The following CYP4A22 variants were observed in gnomAD, a reference collection of about 807,000 sequenced individuals.
CYP4A22 encodes cytochrome P450 4A22.
CYP4A22 carries 46 observed loss-of-function variants against 56.2 expected under a neutral mutation model. The ratio of observed to expected loss-of-function variants is 0.82; its 90% CI spans 0.65 to 1.05. CYP4A22 has a LOEUF of 1.05. CYP4A22 is among the 50% of genes least tolerant of loss of function. The pLI is 0.00. For synonymous variants in CYP4A22, 193 were observed against 251.1 expected, an observed-to-expected ratio of 0.77 and a Z score of 2.19; for missense variants, 541 against 645.9, an observed-to-expected ratio of 0.84 and a Z score of 1.76.
chr1:47,143,609 A>G (rs1645038562), intron 5 of CYP4A22, among the ~76,000 whole-genome samples, 153 bp from the exon 6 acceptor site: 1 of 152,152 alleles, frequency 6.6e-6, no homozygotes, highest in South Asian at 2.1e-4. Context: ...CCATCTGATA[A>G]AGGCCAAAGG....
intron 6 of CYP4A22, among the ~76,000 whole-genome samples, 154 bp downstream of exon 6, chr1:47,144,070 T>C (rs1645045520): frequency 6.6e-6 from 1 of 152,212 alleles, no homozygotes; most frequent in Non-Finnish European, 1.5e-5. Flanking sequence ...GGAGCCAAGA[T>C]GTGAGGGGCC....
At chr1:47,146,961 C>T (rs1645082541) in intron 11 of CYP4A22, 2 of 985,392 alleles carry the variant, frequency 2.0e-6, no homozygotes. Context: ...CATTTGAAGC[C>T]TCCTGGTATG....
intron 1 of CYP4A22, among the ~76,000 whole-genome samples, chr1:47,140,011 G>T (rs1644989538): frequency 2.0e-5 from 3 of 152,190 alleles, no homozygotes; most frequent in Admixed American, 1.3e-4. Context: ...AAACAAACGG[G>T]TGATGGTGGA....
At chr1:47,145,046 A>AGAG (rs1645061573) in intron 9 of CYP4A22, 76 bp downstream of exon 9, 3 of 1,584,236 alleles carry the variant, frequency 1.9e-6, no homozygotes, top group South Asian at 2.3e-5. Context: ...TGTGTGCTTC[A>AGAG]GAGTTCTGCA....
rs1276541257 is a variant in CYP4A22 at position 47,143,478 on chromosome 1, G to T, written c.635+85G>T. ...TGAGGGGCAGGTGGGGCAGCGTGAA[G>T]GCTCACCGCCACACAAAGGAAGAGT... On this transcript the variant is annotated intron_variant, in intron 5 of 11. Transcript: ENST00000371891. 9 of 1,507,162 alleles carry T rather than the reference G, an allele frequency of 6.0e-6. No individual in the cohort carries two copies. In the African/African-American group the frequency reaches 8.4e-5, roughly 14 times the overall value. The allele number at this position is 1,507,162 out of a possible 1,614,324, so 93.4% of individuals were successfully genotyped here.
In CYP4A22 at chr1:47,148,595, G is replaced by C. The variant is rs892801606; in HGVS notation, c.1365-7G>C. ...ACGTCTCAATTCATTGTCTCCGCCTGGCCCAGGAACTGCATCGGGAAACAA... is the reference window on the plus strand; with the variant it reads ...ACGTCTCAATTCATTGTCTCCGCCTCGCCCAGGAACTGCATCGGGAAACAA... On this transcript the variant is annotated splice_region_variant and splice_polypyrimidine_tract_variant and intron_variant, in intron 11 of 11. Transcript: ENST00000371891. 26 of 1,604,820 alleles carry C rather than the reference G, an allele frequency of 1.6e-5. No homozygotes were observed. The South Asian group carries it at 2.3e-4, about 14-fold the overall frequency.
intron 1 of CYP4A22, among the ~76,000 whole-genome samples, chr1:47,139,693 T>A (rs1330166409): frequency 6.6e-6 from 1 of 152,142 alleles, no homozygotes; most frequent in Admixed American, 6.5e-5. Flanking sequence ...AGCTGGACAA[T>A]ATGATTATCA....
In CYP4A22 at chr1:47,141,601, T is replaced by C. The variant is rs749372717; in HGVS notation, c.368T>C (p.Leu123Pro). Residue 123 changes from leucine to proline, a missense_variant, in exon 3 of 12, where the codon CTG becomes CCG. Physicochemically the swap from Leu to Pro is moderately conservative, Grantham distance 98. Coordinates refer to ENST00000371891, the MANE Select transcript of CYP4A22 (RefSeq NM_001010969.4). ...DPKSHGSYKF[L>P]APRIGYGLLL... ...AAATCCCATGGATCCTACAAATTCC[T>C]GGCTCCACGGATTGGTATGTGTGCA... is the stretch of plus-strand genomic sequence containing the variant. The C allele has an allele frequency of 2.5e-6, 4 of 1,613,868 alleles. No homozygotes were observed. The highest frequency in any genetic ancestry group is 2.2e-5 in the South Asian group (2 of 90,992).
rs775199086 is a variant in CYP4A22, at chr1:47,137,640, C to T, written c.155C>T (p.Pro52Leu). Residue 52 changes from proline to leucine, a missense_variant, in exon 1 of 12, where the codon CCG (proline) becomes CTG (leucine). By Grantham distance (98) the Pro-to-Leu change is moderately conservative (BLOSUM62 -3). Coordinates refer to ENST00000371891, the MANE Select transcript of CYP4A22 (RefSeq NM_001010969.4). ...QWLLKALQQF[P>L]CPPSHWLFGH... The stretch of plus-strand genomic sequence containing the variant: ...CTGCTCAAAGCCCTCCAGCAGTTCC[C>T]GTGCCCTCCCTCCCACTGGCTCTTC... 6.8e-6 allele frequency: 11 copies of T among 1,613,782 alleles called. No individual in the cohort carries two copies. The highest frequency in any genetic ancestry group is 2.2e-5 in the East Asian group (1 of 44,870).
Position 47,145,872 on chromosome 1 carries a change from T to C in CYP4A22, c.1229T>C (p.Met410Thr), listed in dbSNP as rs752448693. ...PDGRSLPKGI[M>T]VLLSIYGLHH... ...TTTCCAACCTGCACCACAGGTATCA[T>C]GGTCCTCCTCTCCATTTATGGCCTT... is the stretch of plus-strand genomic sequence containing the variant. The change falls in exon 10 of 12, where the codon ATG (methionine) becomes ACG (threonine). Residue 410 changes from methionine (M) to threonine (T), a missense_variant. Met to Thr is a moderately conservative substitution (Grantham distance 81). Coordinates refer to ENST00000371891, the MANE Select transcript of CYP4A22 (RefSeq NM_001010969.4). The C allele has an allele frequency of 6.2e-7, 1 of 1,614,016 alleles. No individual in the cohort carries two copies. The highest frequency in any genetic ancestry group is 8.5e-7 in the Non-Finnish European group (1 of 1,180,020).
At chr1:47,145,543 T>G (rs184039552) in intron 9 of CYP4A22, among the ~76,000 whole-genome samples, 1 of 152,226 alleles carries the variant, frequency 6.6e-6, no homozygotes, top group Non-Finnish European at 1.5e-5. Context: ...GGAGCATTGT[T>G]GTATTGAGTG....
At chr1:47,148,121 A>G (rs544351151) in intron 11 of CYP4A22, among the ~76,000 whole-genome samples, 1 of 151,988 alleles carries the variant, frequency 6.6e-6, no homozygotes, top group South Asian at 2.1e-4. Flanking sequence ...GACTCCCTTA[A>G]TACACCCATC....
Position 47,147,254 on chromosome 1 carries a change from G to T in CYP4A22, c.1364+1101G>T, listed in dbSNP as rs191681275. 1,027 of 985,428 alleles carry T rather than the reference G, an allele frequency of 1.0e-3. 1 individual carries two copies. Among genetic ancestry groups the T allele is most frequent in the Admixed American group, 5.2e-3 (85 of 16,282 alleles). 61.0% of individuals were successfully genotyped at this position (985,428 alleles called of 1,614,324 possible). Reference sequence around the variant, plus strand: ...GAGGAAGTCCTTGTAAACATTGCCTGCAAATCATGTCGCTGCCACTAGAGA... The same window carrying T: ...GAGGAAGTCCTTGTAAACATTGCCTTCAAATCATGTCGCTGCCACTAGAGA... On this transcript the variant is annotated intron_variant, in intron 11 of 11. Transcript: ENST00000371891.
Position 47,144,953 on chromosome 1 carries a change from G to C in CYP4A22, c.1205G>C (p.Gly402Ala), listed in dbSNP as rs148459778. Residue 402 changes from glycine (G) to alanine (A), a missense_variant, in exon 9 of 12, where the codon GGG becomes GCG. By Grantham distance (60) the Gly-to-Ala change is moderately conservative. Transcript: ENST00000371891. ...AGCACTCCCGTCACCTTCCCTGATGGGCGCTCCTTGCCCAAAGGTATGAAG... is the reference window on the plus strand; with the variant it reads ...AGCACTCCCGTCACCTTCCCTGATGCGCGCTCCTTGCCCAAAGGTATGAAG... ...ELSTPVTFPDGRSLPKGIMVL... is the reference protein window; with the variant it reads ...ELSTPVTFPDARSLPKGIMVL... 138 of 1,614,026 alleles carry C rather than the reference G, an allele frequency of 8.6e-5. 1 individual carries two copies. Among genetic ancestry groups the C allele is most frequent in the Admixed American group, 3.8e-4 (23 of 59,988 alleles).
At chr1:47,145,401 C>T (rs919803995) in intron 9 of CYP4A22, among the ~76,000 whole-genome samples, 1 of 152,162 alleles carries the variant, frequency 6.6e-6, no homozygotes, top group Non-Finnish European at 1.5e-5. Context: ...TCTGGGGCCA[C>T]CAAGCCTCAA....
Position 47,140,764 on chromosome 1 carries a change from C to G in CYP4A22, c.196-16C>G, listed in dbSNP as rs772126976. ...GAAGTAAATGAAAGTGTTCATCTGT[C>G]TACCCTCGTTGACAGTTCCAACACG... On this transcript the variant is annotated splice_polypyrimidine_tract_variant and intron_variant, in intron 1 of 11. Coordinates refer to ENST00000371891, the MANE Select transcript of CYP4A22 (RefSeq NM_001010969.4). 43 of 1,613,812 alleles carry G rather than the reference C, an allele frequency of 2.7e-5. No individual in the cohort carries two copies. In the Admixed American group the frequency reaches 5.2e-4, roughly 19 times the overall value.
At position 47,146,160 on chromosome 1, in the gene CYP4A22, C is replaced by T. The variant is rs755535332; in HGVS notation, c.1364+7C>T. ...CCTTCTCAGGAGGATCAAGGTGAGA[C>T]GTCCTGTGTGGTAATTGGAATAGAG... is the stretch of plus-strand genomic sequence containing the variant. On this transcript the variant is annotated splice_region_variant and intron_variant, in intron 11 of 11. Coordinates refer to ENST00000371891, the MANE Select transcript of CYP4A22 (RefSeq NM_001010969.4). 1.7e-5 allele frequency: 27 copies of T among 1,614,178 alleles called. No individual in the cohort carries two copies. The highest frequency in any genetic ancestry group is 2.2e-5 in the South Asian group (2 of 91,078).
In CYP4A22 at chr1:47,143,888, C is replaced by A; in HGVS notation, c.762C>A (p.Arg254=). 6.2e-7 allele frequency: 1 copy of A among 1,613,006 alleles called. No individual in the cohort carries two copies. Among genetic ancestry groups the A allele is most frequent in the Non-Finnish European group, 8.5e-7 (1 of 1,179,514 alleles). The change falls in exon 6 of 12, where the codon CGC becomes CGA. Residue 254 remains arginine (R), a synonymous_variant. Transcript: ENST00000371891. ...CCTCTGCTGGCCGCTGGACACACCG[C>A]GCCTGCCAGCTGGCCCATCAGCACA... ...SLTSAGRWTH[R]ACQLAHQHTD... is the part of the protein sequence containing the mutation.
intron 3 of CYP4A22, 146 bp downstream of exon 3, chr1:47,141,761 T>A (rs767934104): frequency 4.4e-6 from 5 of 1,143,572 alleles, no homozygotes; most frequent in Non-Finnish European, 6.1e-6. Context: ...AACAAGACCC[T>A]CACCCCTTCC....
Sources: allele counts gnomAD v4.1 joint callset (sites outside exome capture counted in the v4.1 genomes callset), GRCh38; gene constraint gnomAD v4.1.1; transcripts MANE v1.5; gene names NCBI Gene and HGNC (gene_info 2026-07-23, HGNC 2026-07-21).